SRGAP3: variants seen among roughly 807,000 people sequenced by gnomAD.
SRGAP3 encodes SLIT-ROBO Rho GTPase-activating protein 3.
In SRGAP3, 39 loss-of-function variants were observed where a neutral mutation model predicts 121.1. That is an observed-to-expected ratio of 0.32 (90% CI 0.25 to 0.42). The LOEUF (loss-of-function observed/expected upper bound fraction) is 0.42, where lower values mean the gene tolerates loss of function less well. Ranked by LOEUF, SRGAP3 falls within the 10% of genes least tolerant of loss-of-function variation. The pLI is 1.00. For synonymous variants in SRGAP3, 601 were observed against 570.0 expected (o/e 1.05, Z -0.77); for missense variants, 1,213 against 1,470.6 (o/e 0.82, Z 2.86).
intron 1 of SRGAP3, among the ~76,000 whole-genome samples, chr3:9,353,728 C>T (rs1221301305): frequency 6.6e-6 from 1 of 152,166 alleles, no homozygotes; most frequent in Non-Finnish European, 1.5e-5. Context: ...GACTCCTAGG[C>T]TATTATTTCA....
chr3:9,006,468 A>C (rs1161765), intron 18 of SRGAP3, among the ~76,000 whole-genome samples: 1 of 151,330 alleles, frequency 6.6e-6, no homozygotes, highest in Non-Finnish European at 1.5e-5. Context: ...TGCATAAATC[A>C]ACTAATGTCA....
intron 1 of SRGAP3, among the ~76,000 whole-genome samples, chr3:9,160,878 C>T (rs1950580088): frequency 6.6e-6 from 1 of 151,568 alleles, no homozygotes; most frequent in Non-Finnish European, 1.5e-5. Flanking sequence ...AACTTGAGCA[C>T]CAAAATAAAT....
chr3:9,276,036 CAA>C (rs199544323), intron 3 of SRGAP3, among the ~76,000 whole-genome samples: 2 of 149,770 alleles, frequency 1.3e-5, no homozygotes, highest in South Asian at 2.1e-4. Context: ...CCTGTCTGTA[CAA>C]AAAAAAAGTC....
At chr3:9,207,896 G>C (rs1352857513) in intron 1 of SRGAP3, among the ~76,000 whole-genome samples, 1 of 152,160 alleles carries the variant, frequency 6.6e-6, no homozygotes, top group Non-Finnish European at 1.5e-5. Context: ...AACACATGAG[G>C]GATATTGTTG....
At chr3:8,991,100 A>G (rs529362838) in intron 20 of SRGAP3, among the ~76,000 whole-genome samples, 2 of 152,344 alleles carry the variant, frequency 1.3e-5, no homozygotes, top group Admixed American at 6.5e-5. Flanking sequence ...TGTGCCGCCA[A>G]CCGCAAAATG....
intron 3 of SRGAP3, among the ~76,000 whole-genome samples, chr3:9,089,147 C>G (rs1168509515): frequency 6.6e-6 from 1 of 152,048 alleles, no homozygotes; most frequent in Non-Finnish European, 1.5e-5. Context: ...CTCAAGCCTC[C>G]CAAAGTGCTG....
At chr3:9,233,073 C>G (rs983400728) in intron 1 of SRGAP3, among the ~76,000 whole-genome samples, 3 of 152,224 alleles carry the variant, frequency 2.0e-5, no homozygotes, top group South Asian at 2.1e-4. Flanking sequence ...TGGTGCCCCA[C>G]TTACTGGCTT....
intron 17 of SRGAP3, among the ~76,000 whole-genome samples, chr3:9,011,121 G>A (rs1422309120): frequency 1.3e-5 from 2 of 152,122 alleles, no homozygotes; most frequent in Non-Finnish European, 2.9e-5. Flanking sequence ...GATAGATAAG[G>A]CGGACAAGGT....
At chr3:9,356,203 T>G (rs1206506849) in intron 1 of SRGAP3, among the ~76,000 whole-genome samples, 1 of 143,026 alleles carries the variant, frequency 7.0e-6, no homozygotes, top group Non-Finnish European at 1.5e-5. Context: ...TTTTTTTTTT[T>G]TTTTTTTTGA....
At chr3:9,107,456 G>A (rs1205203161) in intron 2 of SRGAP3, among the ~76,000 whole-genome samples, 1 of 152,170 alleles carries the variant, frequency 6.6e-6, no homozygotes, top group Non-Finnish European at 1.5e-5. Flanking sequence ...ATTCCCACTG[G>A]GGCCTGGACG....
At chr3:9,200,097 C>T (rs1330611141) in intron 1 of SRGAP3, among the ~76,000 whole-genome samples, 1 of 152,156 alleles carries the variant, frequency 6.6e-6, no homozygotes, top group African/African-American at 2.4e-5. Context: ...TGCAAGGCAT[C>T]GCCTGTGTGC....
intron 1 of SRGAP3, among the ~76,000 whole-genome samples, chr3:9,140,459 C>T (rs1413762713): frequency 6.6e-6 from 1 of 152,160 alleles, no homozygotes; most frequent in Non-Finnish European, 1.5e-5. Flanking sequence ...AAATGTTAAT[C>T]ATGGTTATTT....
chr3:8,988,357 T>A (rs1023774663), intron 21 of SRGAP3, among the ~76,000 whole-genome samples: 1 of 152,156 alleles, frequency 6.6e-6, no homozygotes, highest in South Asian at 2.1e-4. Flanking sequence ...CCACTCCCCT[T>A]TGCAGCCTGC....
At chr3:9,351,823 C>A (rs2030181537) in intron 1 of SRGAP3, among the ~76,000 whole-genome samples, 1 of 152,230 alleles carries the variant, frequency 6.6e-6, no homozygotes, top group East Asian at 1.9e-4. Flanking sequence ...AGTTAACAGA[C>A]AAAATGGATT....
chr3:9,232,817 T>C (rs1337336180), intron 1 of SRGAP3, among the ~76,000 whole-genome samples: 2 of 152,154 alleles, frequency 1.3e-5, no homozygotes, highest in African/African-American at 4.8e-5. Context: ...TACAAGTTCC[T>C]CCAAGGTGAT....
chr3:9,153,571 G>C (rs1440311003), intron 1 of SRGAP3, among the ~76,000 whole-genome samples: 1 of 152,102 alleles, frequency 6.6e-6, no homozygotes, highest in African/African-American at 2.4e-5. Context: ...ATCTAGGTTA[G>C]TCATTTTATT....
At chr3:9,332,165 G>C (rs1955620004) in intron 1 of SRGAP3, among the ~76,000 whole-genome samples, 1 of 152,144 alleles carries the variant, frequency 6.6e-6, no homozygotes, top group East Asian at 1.9e-4. Context: ...CTGTCACACA[G>C]GCTGGAGTGC....
At chr3:9,172,792 TG>T (rs1310901683) in intron 1 of SRGAP3, among the ~76,000 whole-genome samples, 1 of 152,074 alleles carries the variant, frequency 6.6e-6, no homozygotes, top group African/African-American at 2.4e-5. Context: ...CAGAGAGAGC[TG>T]GGGAGTGAGA....
At chr3:9,139,881 T>C (rs1949789144) in intron 1 of SRGAP3, among the ~76,000 whole-genome samples, 1 of 152,070 alleles carries the variant, frequency 6.6e-6, no homozygotes, top group African/African-American at 2.4e-5. Flanking sequence ...GAAGCAAGAT[T>C]TGCATGATCT....
Sources: gnomAD v4.1 joint callset for allele counts (sites outside exome capture counted in the v4.1 genomes callset) on GRCh38, gnomAD v4.1.1 for gene constraint, MANE v1.5 for transcripts, NCBI Gene and HGNC (gene_info 2026-07-23, HGNC 2026-07-21) for gene names.